FOXP1: variants seen among roughly 807,000 people sequenced by gnomAD.
FOXP1 encodes the protein forkhead box P1.
FOXP1 carries 15 observed loss-of-function variants against 98.2 expected under a neutral mutation model. The ratio of observed to expected loss-of-function variants is 0.15; its 90% CI spans 0.10 to 0.24. The LOEUF (loss-of-function observed/expected upper bound fraction) is 0.24. FOXP1 is among the 10% of genes least tolerant of loss of function. FOXP1 has a pLI of 1.00. For missense variants in FOXP1, 633 were observed against 848.5 expected, an observed-to-expected ratio of 0.75 and a Z score of 3.15; for synonymous variants, 371 against 314.5, an observed-to-expected ratio of 1.18 and a Z score of -1.90.
intron 5 of FOXP1, among the ~76,000 whole-genome samples, chr3:71,204,394 T>G (rs538565550): frequency 1.3e-5 from 2 of 152,112 alleles, no homozygotes; most frequent in African/African-American, 2.4e-5. Flanking sequence ...AGGCAAACGG[T>G]AGGGTGGCCT....
intron 6 of FOXP1, among the ~76,000 whole-genome samples, chr3:71,129,895 C>T (rs945860697): frequency 1.3e-5 from 2 of 152,174 alleles, no homozygotes; most frequent in Non-Finnish European, 2.9e-5. Context: ...ACAACCATCA[C>T]GGAAAGTGAG....
intron 6 of FOXP1, among the ~76,000 whole-genome samples, chr3:71,180,254 A>G (rs2062207576): frequency 6.6e-6 from 1 of 152,158 alleles, no homozygotes; most frequent in Non-Finnish European, 1.5e-5. Flanking sequence ...CACAAGAATC[A>G]TGTATTATTT....
intron 3 of FOXP1, among the ~76,000 whole-genome samples, chr3:71,439,502 T>C (rs982309078): frequency 6.6e-6 from 1 of 152,150 alleles, no homozygotes; most frequent in Non-Finnish European, 1.5e-5. Context: ...CCTAGAGAAC[T>C]GAAAGAAGAA....
intron 6 of FOXP1, among the ~76,000 whole-genome samples, chr3:71,184,695 GTATT>G (rs2062538063): frequency 6.6e-6 from 1 of 150,784 alleles, no homozygotes; most frequent in Non-Finnish European, 1.5e-5. Flanking sequence ...AAGCCTAAGA[GTATT>G]TGTCAAAAGA....
chr3:70,990,393 A>C (rs2040423600), intron 13 of FOXP1, among the ~76,000 whole-genome samples: 1 of 152,192 alleles, frequency 6.6e-6, no homozygotes, highest in Non-Finnish European at 1.5e-5. Context: ...TTGCATTTAT[A>C]ATACTAACTG....
intron 3 of FOXP1, among the ~76,000 whole-genome samples, chr3:71,401,077 T>C (rs2081930929): frequency 6.6e-6 from 1 of 152,156 alleles, no homozygotes; most frequent in South Asian, 2.1e-4. Context: ...CAAAAAACTT[T>C]GACATTTAAA....
chr3:70,988,190 C>A, intron 13 of FOXP1, 113 bp from the exon 14 acceptor site: 2 of 974,452 alleles, frequency 2.1e-6, no homozygotes, highest in Admixed American at 1.8e-5. Context: ...ATGATAAAAT[C>A]ATTTTCATTG....
At chr3:70,974,873 T>C (rs542951730) in intron 17 of FOXP1, among the ~76,000 whole-genome samples, 1 of 152,288 alleles carries the variant, frequency 6.6e-6, no homozygotes, top group East Asian at 1.9e-4. Flanking sequence ...GGTTGAGCAA[T>C]ATAACCATGT....
At chr3:71,453,341 A>G (rs1042694748) in intron 3 of FOXP1, among the ~76,000 whole-genome samples, 3 of 152,164 alleles carry the variant, frequency 2.0e-5, no homozygotes, top group African/African-American at 7.2e-5. Context: ...CATAATGTCT[A>G]CTAGGCAAAG....
rs146378171 is a variant in FOXP1 at position 71,320,535 on chromosome 3, C to T, written c.-72-20655G>A. ...AATACCACTTCCTCCAAGAAGTCCTCCCTAACCTCCCTTTAGATCAATGTC... is the reference window on the plus strand; with the variant it reads ...AATACCACTTCCTCCAAGAAGTCCTTCCTAACCTCCCTTTAGATCAATGTC... On this transcript the variant is annotated intron_variant, in intron 4 of 20. Transcript: ENST00000649528. 1.2e-4 allele frequency among the ~76,000 whole-genome samples: 18 copies of T among 152,232 alleles called. No individual in the cohort carries two copies. The East Asian group carries it at 3.5e-3, about 30-fold the overall frequency.
At chr3:71,549,940 C>G (rs2045650420) in intron 2 of FOXP1, among the ~76,000 whole-genome samples, 1 of 149,384 alleles carries the variant, frequency 6.7e-6, no homozygotes, top group South Asian at 2.1e-4. Flanking sequence ...TAGAACATGC[C>G]TTTCTAAAAT....
chr3:71,223,670 G>A (rs1236853116), intron 5 of FOXP1, among the ~76,000 whole-genome samples: 1 of 146,896 alleles, frequency 6.8e-6, no homozygotes, highest in African/African-American at 2.6e-5. Flanking sequence ...ACTCCGGCCT[G>A]GTGACAGAGC....
intron 12 of FOXP1, among the ~76,000 whole-genome samples, chr3:71,009,743 A>T (rs1158966954): frequency 6.6e-6 from 1 of 151,932 alleles, no homozygotes; most frequent in African/African-American, 2.4e-5. Context: ...CTTTTTATTT[A>T]CTCATTCATT....
rs573209138 is a variant in FOXP1 at position 71,047,182 on chromosome 3, C to G, written c.511-87G>C. ...ACACTTCAAAACTCACCATCATCAT[C>G]AAATGCTGAGAATGGTCACTGGAGC... On this transcript the variant is annotated intron_variant, in intron 9 of 20. Coordinates refer to ENST00000649528, the MANE Select transcript of FOXP1 (RefSeq NM_001349338.3). 538 of 1,486,966 alleles carry G rather than the reference C, an allele frequency of 3.6e-4. 7 individuals are homozygous for G. The South Asian group carries it at 5.7e-3, about 16-fold the overall frequency. The allele number at this position is 1,486,966 out of a possible 1,614,324, so 92.1% of individuals were successfully genotyped here.
intron 14 of FOXP1, among the ~76,000 whole-genome samples, chr3:70,986,380 T>C (rs189999867): frequency 3.9e-4 from 59 of 152,366 alleles, no homozygotes; most frequent in Middle Eastern, 6.8e-3. Context: ...CCTACAGTGC[T>C]GGGTCCAACC....
At chr3:70,960,787 T>G (rs2033210674) in intron 20 of FOXP1, among the ~76,000 whole-genome samples, 1 of 152,008 alleles carries the variant, frequency 6.6e-6, no homozygotes, top group African/African-American at 2.4e-5. Context: ...GACTCTAAAA[T>G]TAGCACAGCC....
At chr3:71,059,612 C>G (rs2051189448) in intron 7 of FOXP1, among the ~76,000 whole-genome samples, 1 of 152,098 alleles carries the variant, frequency 6.6e-6, no homozygotes, top group Non-Finnish European at 1.5e-5. Flanking sequence ...TTATTTAAAT[C>G]AAGAAAATGC....
intron 11 of FOXP1, among the ~76,000 whole-genome samples, chr3:71,033,152 C>T (rs1291076936): frequency 2.6e-5 from 4 of 152,126 alleles, no homozygotes; most frequent in Non-Finnish European, 5.9e-5. Context: ...ACAGGCCTTT[C>T]CACTCAAGCG....
chr3:71,305,878 C>A (rs1476410403), intron 4 of FOXP1: 1 of 152,516 alleles, frequency 6.6e-6, no homozygotes, highest in Non-Finnish European at 1.5e-5. Flanking sequence ...ACACACTTAC[C>A]CGTTCATGGT....
Sources: allele counts gnomAD v4.1 joint callset (sites outside exome capture counted in the v4.1 genomes callset), GRCh38; gene constraint gnomAD v4.1.1; transcripts MANE v1.5; gene names NCBI Gene and HGNC (gene_info 2026-07-23, HGNC 2026-07-21).